GFI1B: variants seen among roughly 807,000 people sequenced by gnomAD.
GFI1B encodes zinc finger protein Gfi-1b.
A neutral mutation model predicts 35.3 loss-of-function variants in GFI1B; 20 were observed. The ratio of observed to expected loss-of-function variants is 0.57; its 90% CI spans 0.40 to 0.82. The LOEUF (loss-of-function observed/expected upper bound fraction) is 0.82. Ranked by LOEUF, GFI1B falls within the 40% of genes least tolerant of loss-of-function variation. The pLI, the probability that GFI1B is intolerant of heterozygous loss-of-function variation, is 0.00. For synonymous variants in GFI1B, 178 were observed against 177.6 expected (o/e 1.00, Z -0.02); for missense variants, 430 against 446.3 (o/e 0.96, Z 0.33).
At chr9:132,978,282 G>C (rs1158517429), upstream of GFI1B, among the ~76,000 whole-genome samples, 3 of 150,450 alleles carry the variant, frequency 2.0e-5, no homozygotes, top group South Asian at 6.3e-4. Context: ...AAGAAAGGAG[G>C]AAGAGAAGGA....
intron 1 of GFI1B, among the ~76,000 whole-genome samples, chr9:132,961,441 A>G (rs1848362392): frequency 6.6e-6 from 1 of 151,754 alleles, no homozygotes; most frequent in Admixed American, 6.6e-5. Context: ...AAAACAACAG[A>G]AAAAAGGCAT....
intron 1 of GFI1B, among the ~76,000 whole-genome samples, chr9:132,971,629 A>AGAGAGACAGAAG (rs1491392950): frequency 6.6e-6 from 1 of 152,314 alleles, no homozygotes; most frequent in African/African-American, 2.4e-5. Flanking sequence ...AAAGAGGGCA[A>AGAGAGACAGAAG]GAGAGACAGA....
At chr9:132,977,983 C>T (rs193078731), upstream of GFI1B, among the ~76,000 whole-genome samples, 361 of 152,204 alleles carry the variant, frequency 2.4e-3, no homozygotes, top group Non-Finnish European at 4.5e-3. Context: ...AATTTGATGT[C>T]TCTTCTGAGA....
Position 132,990,889 on chromosome 9 carries a change from T to G in GFI1B, c.832T>G (p.Cys278Gly). 1.9e-6 allele frequency: 3 copies of G among 1,614,208 alleles called. No individual in the cohort carries two copies. Among genetic ancestry groups the G allele is most frequent in the Non-Finnish European group, 2.5e-6 (3 of 1,180,018 alleles). ...YIHTGEKPHK[C>G]QVCGKAFSQS... ...CCCTGCAGGTGAGAAGCCGCACAAG[T>G]GCCAGGTGTGCGGAAAGGCCTTCAG... Residue 278 changes from cysteine to glycine, a missense_variant, in exon 7 of 7, where the codon TGC becomes GGC. Cys to Gly is a radical substitution (Grantham distance 159). Transcript: ENST00000372122.
chr9:132,960,273 G>T (rs1588410463), intron 1 of GFI1B, among the ~76,000 whole-genome samples: 1 of 152,200 alleles, frequency 6.6e-6, no homozygotes, highest in Non-Finnish European at 1.5e-5. Context: ...GCAGAAGCAG[G>T]GAAGCAAGAC....
At chr9:132,992,440 C>CTG (rs1214806452), downstream of GFI1B, among the ~76,000 whole-genome samples, 13 of 152,242 alleles carry the variant, frequency 8.5e-5, no homozygotes, top group African/African-American at 3.1e-4. Context: ...ACCTGTCTAG[C>CTG]TGTGTGACTT....
upstream of GFI1B, among the ~76,000 whole-genome samples, chr9:132,977,059 G>C (rs1848651403): frequency 6.6e-6 from 1 of 152,220 alleles, no homozygotes. Flanking sequence ...CTGGGTTCAA[G>C]CAATTATCCT....
intron 1 of GFI1B, chr9:132,947,095 C>T (rs1376149719): frequency 6.6e-6 from 1 of 152,410 alleles, no homozygotes; most frequent in Non-Finnish European, 1.5e-5. Flanking sequence ...ATACACCACC[C>T]TGGAGCCTCC....
rs8193003 is a variant in GFI1B, at chr9:132,990,109, T to C, written c.814+202T>C. Among the ~76,000 whole-genome samples the C allele has an allele frequency of 0.5, 76,658 of 152,112 alleles. 20,863 individuals are homozygous for C. Among genetic ancestry groups the C allele is most frequent in the Admixed American group, 0.63 (9,587 of 15,292 alleles). On this transcript the variant is annotated intron_variant, in intron 6 of 6. Coordinates refer to ENST00000372122, the MANE Select transcript of GFI1B (RefSeq NM_001377304.1). ...AAAATACAGGGAGGAAACAGCAAAA[T>C]CTCAACACTGTTGATCTCATGGCAG... is the stretch of plus-strand genomic sequence containing the variant.
chr9:132,982,169 G>A (rs1186416364), intron 1 of GFI1B, among the ~76,000 whole-genome samples: 1 of 152,258 alleles, frequency 6.6e-6, no homozygotes, highest in Non-Finnish European at 1.5e-5. Context: ...AAGTCTTTTA[G>A]TCAAGGTGGT....
Position 132,988,264 on chromosome 9 carries a change from C to T in GFI1B, c.306C>T (p.Tyr102=), listed in dbSNP as rs770576376. 9 of 1,614,040 alleles carry T rather than the reference C, an allele frequency of 5.6e-6. No homozygotes were observed. Among genetic ancestry groups the T allele is most frequent in the Middle Eastern group, 1.6e-4 (1 of 6,062 alleles). ...CACTGTCCGACTCACCCCCATTCTACAAGCCTAGCTTCTCCTGGGACACCT... is the reference window on the plus strand; with the variant it reads ...CACTGTCCGACTCACCCCCATTCTATAAGCCTAGCTTCTCCTGGGACACCT... ...DSPLSDSPPF[Y]KPSFSWDTLA... The change falls in exon 4 of 7, where the codon TAC becomes TAT. Residue 102 remains tyrosine, a synonymous_variant. Coordinates refer to ENST00000372122, the MANE Select transcript of GFI1B (RefSeq NM_001377304.1).
intron 1 of GFI1B, among the ~76,000 whole-genome samples, chr9:132,955,808 ATGTGTGTGTGTG>A (rs3049917): frequency 7.5e-5 from 11 of 146,424 alleles, no homozygotes; most frequent in Non-Finnish European, 1.2e-4. Flanking sequence ...GTGTGTGTGC[ATGTGTGTGTGTG>A]TGTGTGTGTG....
intron 1 of GFI1B, among the ~76,000 whole-genome samples, chr9:132,970,191 C>T (rs1160376276): frequency 6.6e-6 from 1 of 152,128 alleles, no homozygotes; most frequent in Non-Finnish European, 1.5e-5. Flanking sequence ...TTATATGTTC[C>T]TTTGAGGTTT....
chr9:132,976,036 G>A (rs1046706540), upstream of GFI1B, among the ~76,000 whole-genome samples: 1 of 152,184 alleles, frequency 6.6e-6, no homozygotes, highest in Non-Finnish European at 1.5e-5. Context: ...CCCTGGTCTG[G>A]GTCTGGGAAG....
chr9:132,984,861 G>C (rs1848979119), intron 1 of GFI1B, among the ~76,000 whole-genome samples: 2 of 152,168 alleles, frequency 1.3e-5, no homozygotes, highest in South Asian at 4.1e-4. Context: ...TCCCTCTTCT[G>C]CCTGGCTGTG....
rs1430790946 is a variant in GFI1B at position 132,988,403 on chromosome 9, G to A, written c.445G>A (p.Ala149Thr). The change falls in exon 4 of 7, where the codon GCC (alanine) becomes ACC (threonine). Residue 149 changes from alanine to threonine, a missense_variant. Transcript: ENST00000372122. ...GSPLVPSTEP[A>T]LDFSLRYSPG... is the part of the protein sequence containing the mutation. Reference sequence around the variant, plus strand: ...TCCTCTTGTGCCCAGCACTGAGCCCGCCTTGGACTTCAGCCTCCGCTACTC... The same window carrying A: ...TCCTCTTGTGCCCAGCACTGAGCCCACCTTGGACTTCAGCCTCCGCTACTC... 44 of 1,613,960 alleles carry A rather than the reference G, an allele frequency of 2.7e-5. No individual in the cohort carries two copies. The highest frequency in any genetic ancestry group is 3.6e-5 in the Non-Finnish European group (42 of 1,179,978).
intron 1 of GFI1B, among the ~76,000 whole-genome samples, chr9:132,950,381 A>G (rs1480106812): frequency 6.6e-6 from 1 of 151,288 alleles, no homozygotes; most frequent in Non-Finnish European, 1.5e-5. Context: ...CATTCCTTCC[A>G]CCACACCGCC....
upstream of GFI1B, chr9:132,976,650 CAGA>C (rs1341209811): frequency 6.6e-6 from 1 of 152,096 alleles, no homozygotes; most frequent in East Asian, 1.9e-4. Flanking sequence ...AGTCTATACC[CAGA>C]AGTAGATTCA....
intron 2 of GFI1B, 85 bp from the exon 3 acceptor site, chr9:132,987,197 T>C: frequency 7.0e-7 from 1 of 1,425,810 alleles, no homozygotes; most frequent in Non-Finnish European, 9.7e-7. Context: ...GGCCTCCTCC[T>C]CCTAGGAAGG....
Sources: gnomAD v4.1 joint callset for allele counts (sites outside exome capture counted in the v4.1 genomes callset) on GRCh38, gnomAD v4.1.1 for gene constraint, MANE v1.5 for transcripts, NCBI Gene and HGNC (gene_info 2026-07-23, HGNC 2026-07-21) for gene names.